The following STRN3 variants were observed in gnomAD, a reference collection of about 807,000 sequenced individuals.
STRN3 encodes striatin-3.
In STRN3, 29 loss-of-function variants were observed where a neutral mutation model predicts 95.6. That is an observed-to-expected ratio of 0.30 (90% CI 0.23 to 0.41). The LOEUF is 0.41. Among genes scored for constraint, STRN3 ranks in the 10% least tolerant of loss-of-function variants. STRN3 has a pLI of 1.00. For missense variants in STRN3, 890 were observed against 972.1 expected (o/e 0.92, Z 1.12); for synonymous variants, 331 against 357.6 (o/e 0.93, Z 0.84).
intron 8 of STRN3, among the ~76,000 whole-genome samples, chr14:30,923,781 T>C (rs574051435): frequency 4.6e-5 from 7 of 152,288 alleles, no homozygotes; most frequent in South Asian, 2.1e-4. Flanking sequence ...CAGTTTAAAT[T>C]GTCCATGTTG....
chr14:31,014,830 AC>A, intron 1 of STRN3: 3 of 416,310 alleles, frequency 7.2e-6, no homozygotes, highest in East Asian at 7.4e-5. Flanking sequence ...AAAAAAAAAA[AC>A]AGGGTCTCAC....
intron 1 of STRN3, among the ~76,000 whole-genome samples, chr14:30,974,883 G>GA (rs755261920): frequency 5.2e-4 from 79 of 151,660 alleles, no homozygotes; most frequent in Non-Finnish European, 8.8e-4. Flanking sequence ...CATGCTGTTG[G>GA]AAAAAATGAC....
chr14:30,905,661 T>C, intron 14 of STRN3, 103 bp from the exon 15 acceptor site: 3 of 1,263,088 alleles, frequency 2.4e-6, no homozygotes, highest in African/African-American at 3.1e-5. Context: ...GGAATTCAAA[T>C]AGTCTTGAAA....
chr14:30,899,566 A>T (rs546234487), intron 16 of STRN3, among the ~76,000 whole-genome samples: 1 of 152,010 alleles, frequency 6.6e-6, no homozygotes, highest in Non-Finnish European at 1.5e-5. Flanking sequence ...CCTTCCCCAA[A>T]CTTTGTCTTT....
chr14:30,973,105 A>C (rs1484775509), intron 1 of STRN3, among the ~76,000 whole-genome samples: 1 of 151,908 alleles, frequency 6.6e-6, no homozygotes, highest in Non-Finnish European at 1.5e-5. Flanking sequence ...GTCACTCAAG[A>C]GGGTGAGGCA....
At position 30,946,110 on chromosome 14, in the gene STRN3, G is replaced by A. The variant is rs117682275; in HGVS notation, c.716+980C>T. 1.8e-3 allele frequency among the ~76,000 whole-genome samples: 278 copies of A among 152,234 alleles called. 5 individuals are homozygous for A. The East Asian group carries it at 0.032, about 18-fold the overall frequency. ...GTCTAAATAACCATTGCTCATTCTA[G>A]TGAGAGTAGCATTATAATTTGTTGA... On this transcript the variant is annotated intron_variant, in intron 5 of 17. Transcript: ENST00000357479.
chr14:30,915,956 T>G lies in STRN3; in HGVS notation c.1241-2299A>C, dbSNP rs577452760. Among the ~76,000 whole-genome samples, 87 of 152,370 alleles carry G rather than the reference T, an allele frequency of 5.7e-4. 1 individual carries two copies. The highest frequency in any genetic ancestry group is 5.7e-3 in the Admixed American group (87 of 15,306). On this transcript the variant is annotated intron_variant, in intron 9 of 17. Coordinates refer to ENST00000357479, the MANE Select transcript of STRN3 (RefSeq NM_001083893.2). ...TTATACTCATTTCTAATTAATCATA[T>G]GACCACATTTCTGTCCTTTTTCTCT... is the stretch of plus-strand genomic sequence containing the variant.
intron 1 of STRN3, chr14:30,964,339 C>A (rs1244532786): frequency 6.6e-6 from 1 of 152,262 alleles, no homozygotes. Context: ...ATTCTTCTAG[C>A]AATTTCCATA....
rs538293467 is a variant in STRN3 at position 30,935,379 on chromosome 14, T to C, written c.847-75A>G. The C allele has an allele frequency of 2.7e-6, 4 of 1,481,752 alleles. No individual in the cohort carries two copies. In the East Asian group the frequency reaches 9.3e-5, roughly 34 times the overall value. 91.8% of individuals were successfully genotyped at this position (1,481,752 alleles called of 1,614,324 possible). On this transcript the variant is annotated intron_variant, in intron 6 of 17. Coordinates refer to ENST00000357479, the MANE Select transcript of STRN3 (RefSeq NM_001083893.2). The stretch of plus-strand genomic sequence containing the variant: ...GGATGCTTTAATATTGTCACATAAC[T>C]ACATTTACACACCCATTTTAAAATT...
chr14:30,901,569 T>G (rs933975537), intron 16 of STRN3, among the ~76,000 whole-genome samples: 1 of 152,222 alleles, frequency 6.6e-6, no homozygotes, highest in African/African-American at 2.4e-5. Flanking sequence ...CATTTCTTAT[T>G]TAGAAGTCCT....
intron 1 of STRN3, among the ~76,000 whole-genome samples, chr14:30,997,150 A>G (rs1474159639): frequency 6.6e-6 from 1 of 152,188 alleles, no homozygotes; most frequent in East Asian, 1.9e-4. Context: ...GCTCAAAAGA[A>G]AGTTAAATTA....
rs182906731 is a variant in STRN3, at chr14:30,958,174, G to A, written c.283-1932C>T. On this transcript the variant is annotated intron_variant, in intron 1 of 17. Coordinates refer to ENST00000357479, the MANE Select transcript of STRN3 (RefSeq NM_001083893.2). The stretch of plus-strand genomic sequence containing the variant: ...CCAAAAAATCAATAATTAGCCAGGC[G>A]TGGTAGCATGTTCCTGTAGACTTAG... Among the ~76,000 whole-genome samples, 24 of 151,406 alleles carry A rather than the reference G, an allele frequency of 1.6e-4. No homozygotes were observed. In the East Asian group the frequency reaches 2.6e-3, roughly 16 times the overall value.
chr14:30,957,063 C>T (rs1017516500), intron 1 of STRN3, among the ~76,000 whole-genome samples: 1 of 152,186 alleles, frequency 6.6e-6, no homozygotes, highest in African/African-American at 2.4e-5. Context: ...AAGCCTGAGG[C>T]AGGAGAATCG....
At chr14:30,975,827 C>T (rs1306451951) in intron 1 of STRN3, among the ~76,000 whole-genome samples, 3 of 112,084 alleles carry the variant, frequency 2.7e-5, no homozygotes, top group African/African-American at 9.9e-5. Context: ...GAGACAGACC[C>T]TGGCTCTTTA....
intron 3 of STRN3, among the ~76,000 whole-genome samples, chr14:30,952,212 A>G (rs1408654839): frequency 1.3e-5 from 2 of 152,220 alleles, no homozygotes; most frequent in Non-Finnish European, 2.9e-5. Flanking sequence ...ATTGACATTT[A>G]TATCACAGAA....
At chr14:31,003,831 C>A (rs1218406658) in intron 1 of STRN3, among the ~76,000 whole-genome samples, 5 of 143,852 alleles carry the variant, frequency 3.5e-5, no homozygotes, top group East Asian at 2.0e-4. Context: ...GGTAGCAAAG[C>A]GAGATTTCTT....
In STRN3 at chr14:30,932,709, C is replaced by T. The variant is rs115281927; in HGVS notation, c.988+2454G>A. ...AAAGTCTTCAGACAGAAAGACCAAT[C>T]GGTTGTACATAATATAGAAACTATT... On this transcript the variant is annotated intron_variant, in intron 7 of 17. Coordinates refer to ENST00000357479, the MANE Select transcript of STRN3 (RefSeq NM_001083893.2). Among the ~76,000 whole-genome samples the T allele has an allele frequency of 2.9e-3, 446 of 152,206 alleles. 3 individuals are homozygous for T. The highest frequency in any genetic ancestry group is 0.01 in the African/African-American group (422 of 41,528).
At chr14:31,024,926 T>C (rs1883718959) in intron 1 of STRN3, among the ~76,000 whole-genome samples, 1 of 152,198 alleles carries the variant, frequency 6.6e-6, no homozygotes, top group Non-Finnish European at 1.5e-5. Flanking sequence ...TGCAGCAATT[T>C]TGAGATCCAG....
At chr14:30,930,526 TGATG>T (rs1360318268) in intron 7 of STRN3, among the ~76,000 whole-genome samples, 1 of 152,150 alleles carries the variant, frequency 6.6e-6, no homozygotes, top group African/African-American at 2.4e-5. Context: ...ACTTTTTCCC[TGATG>T]GTATGATCAC....
Sources: allele counts gnomAD v4.1 joint callset (sites outside exome capture counted in the v4.1 genomes callset), GRCh38; gene constraint gnomAD v4.1.1; transcripts MANE v1.5; gene names NCBI Gene and HGNC (gene_info 2026-07-23, HGNC 2026-07-21).